Variants in TRABD2A observed in about 807,000 individuals in gnomAD.
TRABD2A encodes the protein TraB domain containing 2A.
Under a neutral mutation model 45.6 loss-of-function variants are expected in TRABD2A, and 43 were observed. That is an observed-to-expected ratio of 0.94 (90% CI 0.74 to 1.22). The LOEUF is 1.22. Ranked by LOEUF, TRABD2A falls within the 50% of genes most tolerant of loss-of-function variation. TRABD2A has a pLI of 0.00. For missense variants in TRABD2A, 642 were observed against 652.4 expected, an observed-to-expected ratio of 0.98 and a Z score of 0.17; for synonymous variants, 269 against 265.0, an observed-to-expected ratio of 1.02 and a Z score of -0.15.
chr2:84,855,404 C>T (rs1361625426), intron 2 of TRABD2A, among the ~76,000 whole-genome samples: 1 of 152,132 alleles, frequency 6.6e-6, no homozygotes, highest in Non-Finnish European at 1.5e-5. Flanking sequence ...TTGCTACTTT[C>T]ACATTAGTGC....
intron 2 of TRABD2A, among the ~76,000 whole-genome samples, chr2:84,843,087 C>T (rs897608596): frequency 6.6e-6 from 1 of 151,542 alleles, no homozygotes; most frequent in African/African-American, 2.4e-5. Context: ...GGCTGGCCAC[C>T]CCCTACGAGG....
At position 84,870,352 on chromosome 2, in the gene TRABD2A, T is replaced by G. The variant is rs10221703; in HGVS notation, c.542A>C (p.Lys181Thr). 1,406 of 1,614,032 alleles carry G rather than the reference T, an allele frequency of 8.7e-4. 5 individuals are homozygous for G. In the African/African-American group the frequency reaches 0.015, roughly 17 times the overall value. ...GTCTAAGACAGGCACTCCACGGGAC[T>G]TAATGTCCACTTCAGTCAGGGAGTT... ...MVNSLTEVDIKSRGVPVLDLF... is the reference protein window; with the variant it reads ...MVNSLTEVDITSRGVPVLDLF... The change falls in exon 2 of 7, where the codon AAG becomes ACG. Residue 181 changes from lysine to threonine, a missense_variant. Lys to Thr is a moderately conservative substitution (Grantham distance 78). Transcript: ENST00000409520.
At chr2:84,867,739 G>A (rs1018494132) in intron 2 of TRABD2A, among the ~76,000 whole-genome samples, 5 of 152,020 alleles carry the variant, frequency 3.3e-5, no homozygotes, top group Admixed American at 1.3e-4. Flanking sequence ...AAATTTACAA[G>A]AAAAAAACAA....
At chr2:84,852,781 G>A (rs569464306) in intron 2 of TRABD2A, among the ~76,000 whole-genome samples, 2 of 152,312 alleles carry the variant, frequency 1.3e-5, no homozygotes, top group South Asian at 2.1e-4. Context: ...AGCTCCCTGA[G>A]TGAATTAGAT....
intron 2 of TRABD2A, among the ~76,000 whole-genome samples, chr2:84,849,733 A>G (rs561811987): frequency 1.3e-5 from 2 of 152,310 alleles, no homozygotes; most frequent in South Asian, 4.1e-4. Context: ...TCTTGCAAAT[A>G]AAAAAATGCC....
chr2:84,863,746 G>A (rs1004956060), intron 2 of TRABD2A, among the ~76,000 whole-genome samples: 1 of 151,388 alleles, frequency 6.6e-6, no homozygotes, highest in Non-Finnish European at 1.5e-5. Context: ...TGAGTAGCTG[G>A]GACAACAGGC....
intron 2 of TRABD2A, among the ~76,000 whole-genome samples, chr2:84,855,594 A>G (rs1030439912): frequency 6.6e-6 from 1 of 152,140 alleles, no homozygotes. Context: ...ATCACCAGAC[A>G]GTTTACTTCA....
chr2:84,858,281 AC>A (rs1293506658), intron 2 of TRABD2A, among the ~76,000 whole-genome samples: 1 of 144,390 alleles, frequency 6.9e-6, no homozygotes, highest in Non-Finnish European at 1.5e-5. Context: ...ATCGTCTCCC[AC>A]CAGACCCCTA....
At chr2:84,848,997 A>T (rs979546912) in intron 2 of TRABD2A, among the ~76,000 whole-genome samples, 1 of 152,180 alleles carries the variant, frequency 6.6e-6, no homozygotes, top group Non-Finnish European at 1.5e-5. Context: ...ATAGGATAAC[A>T]TCAATGACTG....
At chr2:84,870,145 T>C in intron 2 of TRABD2A, 80 bp downstream of exon 2, 1 of 1,361,912 alleles carries the variant, frequency 7.3e-7, no homozygotes, top group Non-Finnish European at 1.0e-6. Flanking sequence ...GTGCCCGTGA[T>C]CCATCACCTG....
At chr2:84,857,823 G>T (rs1260707133) in intron 2 of TRABD2A, among the ~76,000 whole-genome samples, 1 of 152,098 alleles carries the variant, frequency 6.6e-6, no homozygotes, top group African/African-American at 2.4e-5. Flanking sequence ...CACACTCAGC[G>T]GTCAAATGCC....
Position 84,870,259 on chromosome 2 carries a change from T to A in TRABD2A, c.635A>T (p.Gln212Leu). 6.2e-7 allele frequency: 1 copy of A among 1,613,756 alleles called. No homozygotes were observed. The highest frequency in any genetic ancestry group is 8.5e-7 in the Non-Finnish European group (1 of 1,179,720). Residue 212 changes from glutamine (Q) to leucine (L), a missense_variant, in exon 2 of 7, where the codon CAG (glutamine) becomes CTG (leucine). Physicochemically the swap from Gln to Leu is moderately radical, Grantham distance 113 (BLOSUM62 -2). Coordinates refer to ENST00000409520, the MANE Select transcript of TRABD2A (RefSeq NM_001277053.2). Reference sequence around the variant, plus strand: ...GTTCAACCCATTCAATGGATGGCACTGCTCTTCCACCTTTTCCACTGCCCC... The same window carrying A: ...GTTCAACCCATTCAATGGATGGCACAGCTCTTCCACCTTTTCCACTGCCCC... ...QTGAVEKVEE[Q>L]CHPLNGLNFS...
intron 2 of TRABD2A, among the ~76,000 whole-genome samples, chr2:84,869,924 A>G (rs572049548): frequency 8.1e-4 from 123 of 151,110 alleles, no homozygotes; most frequent in African/African-American, 2.9e-3. Context: ...GGTTGCAGTG[A>G]ACTGAGATCG....
chr2:84,876,880 G>C (rs1293310135), intron 1 of TRABD2A, among the ~76,000 whole-genome samples: 1 of 152,156 alleles, frequency 6.6e-6, no homozygotes, highest in Non-Finnish European at 1.5e-5. Flanking sequence ...CTCTTTTCAA[G>C]TTAACACAGC....
At chr2:84,879,917 G>A (rs923723281) in intron 1 of TRABD2A, among the ~76,000 whole-genome samples, 2 of 152,202 alleles carry the variant, frequency 1.3e-5, no homozygotes, top group Non-Finnish European at 2.9e-5. Context: ...CAGGGGTGGA[G>A]GCAGACCGGG....
intron 2 of TRABD2A, among the ~76,000 whole-genome samples, chr2:84,865,586 C>T (rs536632114): frequency 2.6e-4 from 40 of 152,324 alleles, no homozygotes; most frequent in Middle Eastern, 3.4e-3. Flanking sequence ...GAGCCCAAGC[C>T]AAGATGTGAC....
At chr2:84,826,567 C>G (rs1210882033) in intron 5 of TRABD2A, among the ~76,000 whole-genome samples, 8 of 152,330 alleles carry the variant, frequency 5.3e-5, no homozygotes, top group Non-Finnish European at 8.8e-5. Context: ...GAGTCTTGCT[C>G]TGTCCCCCAG....
intron 2 of TRABD2A, among the ~76,000 whole-genome samples, chr2:84,844,848 A>G (rs1681832738): frequency 6.6e-6 from 1 of 152,242 alleles, no homozygotes. Flanking sequence ...ATACCTGCTG[A>G]TGAGCTTTGC....
intron 5 of TRABD2A, among the ~76,000 whole-genome samples, chr2:84,831,432 C>T (rs1681335002): frequency 6.6e-6 from 1 of 151,958 alleles, no homozygotes. Flanking sequence ...GGATGGACGA[C>T]CAGTTGGGAG....
Sources: allele counts gnomAD v4.1 joint callset (sites outside exome capture counted in the v4.1 genomes callset), GRCh38; gene constraint gnomAD v4.1.1; transcripts MANE v1.5; gene names NCBI Gene and HGNC (gene_info 2026-07-23, HGNC 2026-07-21).